ME3: variants seen among roughly 807,000 people sequenced by gnomAD.
The protein encoded by ME3 is malic enzyme 3.
ME3 carries 48 observed loss-of-function variants against 68.9 expected under a neutral mutation model. That is an observed-to-expected ratio of 0.70 (90% CI 0.55 to 0.89). The LOEUF (loss-of-function observed/expected upper bound fraction) is 0.89. Among genes scored for constraint, ME3 ranks in the 40% least tolerant of loss-of-function variants. The pLI, the probability that ME3 is intolerant of heterozygous loss-of-function variation, is 0.00. For missense variants in ME3, 675 were observed against 797.4 expected (o/e 0.85, Z 1.85); for synonymous variants, 320 against 318.8 (o/e 1.00, Z -0.04).
intron 2 of ME3, among the ~76,000 whole-genome samples, chr11:86,587,745 T>A (rs1958824115): frequency 1.3e-5 from 2 of 152,222 alleles, no homozygotes. Flanking sequence ...ATAAAATTAC[T>A]GTAACTAAGG....
At chr11:86,453,055 A>G (rs533638060) in intron 8 of ME3, among the ~76,000 whole-genome samples, 1 of 152,164 alleles carries the variant, frequency 6.6e-6, no homozygotes, top group East Asian at 1.9e-4. Context: ...CTGGAGTGCA[A>G]TGGTGTGATC....
intron 2 of ME3, among the ~76,000 whole-genome samples, chr11:86,666,201 C>G (rs1249681340): frequency 3.3e-5 from 5 of 152,224 alleles, no homozygotes; most frequent in Non-Finnish European, 5.9e-5. Context: ...TGACCAACTT[C>G]TGGCCAACTG....
chr11:86,649,677 A>G (rs1002921062), intron 2 of ME3, among the ~76,000 whole-genome samples: 1 of 152,090 alleles, frequency 6.6e-6, no homozygotes, highest in African/African-American at 2.4e-5. Context: ...ATAATAGACA[A>G]ACAGCCAAAT....
intron 4 of ME3, among the ~76,000 whole-genome samples, chr11:86,549,017 C>T (rs536045743): frequency 6.6e-6 from 1 of 152,244 alleles, no homozygotes; most frequent in Non-Finnish European, 1.5e-5. Flanking sequence ...CGTAAATTCT[C>T]TGGTCCCATC....
At chr11:86,627,210 G>A (rs1288268727) in intron 2 of ME3, among the ~76,000 whole-genome samples, 1 of 152,172 alleles carries the variant, frequency 6.6e-6, no homozygotes, top group Non-Finnish European at 1.5e-5. Flanking sequence ...TGGGTTATAG[G>A]CCCCTATTTG....
intron 2 of ME3, among the ~76,000 whole-genome samples, chr11:86,651,451 T>A (rs545070138): frequency 1.4e-4 from 22 of 152,354 alleles, no homozygotes; most frequent in African/African-American, 5.3e-4. Flanking sequence ...TCCGCTGTTC[T>A]GCAGCCTCTG....
In ME3 at chr11:86,570,420, G is replaced by A. The variant is rs532165071; in HGVS notation, c.184-10597C>T. ...GGGATTTTTATGAGTTAGGGTGATG[G>A]GGATTCTGGTTGGAGACAGGAAATG... is the stretch of plus-strand genomic sequence containing the variant. On this transcript the variant is annotated intron_variant, in intron 2 of 14. Transcript: ENST00000543262. Among the ~76,000 whole-genome samples the A allele has an allele frequency of 2.0e-3, 310 of 152,158 alleles. 2 individuals carry two copies. Among genetic ancestry groups the A allele is most frequent in the Non-Finnish European group, 3.4e-3 (231 of 68,018 alleles).
intron 2 of ME3, among the ~76,000 whole-genome samples, chr11:86,585,521 G>A (rs1490233143): frequency 1.3e-5 from 2 of 152,164 alleles, no homozygotes; most frequent in East Asian, 3.9e-4. Flanking sequence ...TCACTGAAAT[G>A]GGACACTAAT....
chr11:86,488,632 A>G (rs1296815167), intron 6 of ME3, among the ~76,000 whole-genome samples: 1 of 151,386 alleles, frequency 6.6e-6, no homozygotes, highest in Non-Finnish European at 1.5e-5. Context: ...GTGAATGACC[A>G]CTCCTGCTGG....
intron 4 of ME3, among the ~76,000 whole-genome samples, chr11:86,551,035 G>C (rs951171337): frequency 3.3e-5 from 5 of 151,896 alleles, no homozygotes; most frequent in African/African-American, 1.2e-4. Flanking sequence ...AGACAAGAAG[G>C]TTCCAATGCA....
At chr11:86,575,366 A>G (rs1353165629) in intron 2 of ME3, among the ~76,000 whole-genome samples, 1 of 147,140 alleles carries the variant, frequency 6.8e-6, no homozygotes, top group Non-Finnish European at 1.5e-5. Flanking sequence ...AAAGGGAGTT[A>G]TTTCTCTAGA....
intron 2 of ME3, among the ~76,000 whole-genome samples, chr11:86,561,076 G>T (rs894074628): frequency 3.3e-5 from 5 of 152,068 alleles, no homozygotes; most frequent in African/African-American, 1.2e-4. Context: ...ACCTTGATCA[G>T]TGGCCAAAAG....
intron 4 of ME3, among the ~76,000 whole-genome samples, chr11:86,513,304 T>C (rs1190503302): frequency 6.6e-6 from 1 of 152,228 alleles, no homozygotes; most frequent in African/African-American, 2.4e-5. Context: ...AATAACACCT[T>C]TTGAAATGTG....
chr11:86,538,220 T>A (rs1397936010), intron 4 of ME3, among the ~76,000 whole-genome samples: 2 of 152,048 alleles, frequency 1.3e-5, no homozygotes, highest in African/African-American at 4.8e-5. Context: ...CAATATAGGA[T>A]TGAGGGATTT....
chr11:86,504,145 T>C (rs1952905882), intron 5 of ME3, among the ~76,000 whole-genome samples: 2 of 152,162 alleles, frequency 1.3e-5, no homozygotes, highest in Admixed American at 1.3e-4. Flanking sequence ...AGTCATTTTT[T>C]ACTTTCTGAG....
At chr11:86,590,061 AG>A (rs1958970554) in intron 2 of ME3, among the ~76,000 whole-genome samples, 1 of 152,180 alleles carries the variant, frequency 6.6e-6, no homozygotes, top group Non-Finnish European at 1.5e-5. Context: ...GTCCCAAACC[AG>A]GGAAGAGACT....
intron 2 of ME3, among the ~76,000 whole-genome samples, chr11:86,604,607 T>C (rs1057482677): frequency 1.3e-5 from 2 of 152,170 alleles, no homozygotes; most frequent in African/African-American, 4.8e-5. Flanking sequence ...GATATAAATG[T>C]AAATAGCTTT....
intron 6 of ME3, 33 bp downstream of exon 6, chr11:86,497,930 G>C: frequency 6.5e-7 from 1 of 1,542,750 alleles, no homozygotes; most frequent in Non-Finnish European, 8.8e-7. Flanking sequence ...CCACCTTTTG[G>C]CCCCAGAGCT....
intron 8 of ME3, chr11:86,457,579 C>A: frequency 8.5e-7 from 1 of 1,174,482 alleles, no homozygotes; most frequent in South Asian, 1.6e-5. Flanking sequence ...AAGTTATCTC[C>A]ATCATTAACC....
Sources: gnomAD v4.1 joint callset for allele counts (sites outside exome capture counted in the v4.1 genomes callset) on GRCh38, gnomAD v4.1.1 for gene constraint, MANE v1.5 for transcripts, NCBI Gene and HGNC (gene_info 2026-07-23, HGNC 2026-07-21) for gene names.